Variants in CEP112 observed in about 807,000 individuals in gnomAD.
CEP112 encodes the protein centrosomal protein 112, also known as centrosomal protein of 112 kDa.
CEP112 carries 127 observed loss-of-function variants against 153.0 expected under a neutral mutation model. The observed-to-expected ratio is 0.83, with a 90% CI of 0.72 to 0.96. The LOEUF (loss-of-function observed/expected upper bound fraction) is 0.96, where lower values mean the gene tolerates loss of function less well. Ranked by LOEUF, CEP112 falls within the 40% of genes least tolerant of loss-of-function variation. The probability of loss-of-function intolerance (pLI) is 0.00; values close to 1 mark genes in which losing one functional copy is unlikely to be tolerated. For synonymous variants in CEP112, 358 were observed against 374.4 expected, an observed-to-expected ratio of 0.96 and a Z score of 0.51; for missense variants, 1,089 against 1,101.2, an observed-to-expected ratio of 0.99 and a Z score of 0.16.
At chr17:65,705,778 G>C (rs1177221454) in intron 23 of CEP112, among the ~76,000 whole-genome samples, 1 of 152,194 alleles carries the variant, frequency 6.6e-6, no homozygotes, top group Admixed American at 6.5e-5. Flanking sequence ...TTTGGATCCT[G>C]ATTCAGACAA....
At chr17:66,111,719 T>G (rs1598373981) in intron 6 of CEP112, among the ~76,000 whole-genome samples, 1 of 148,488 alleles carries the variant, frequency 6.7e-6, no homozygotes, top group Non-Finnish European at 1.5e-5. Flanking sequence ...GAGGGGAGGG[T>G]GGGAGGAGGG....
At chr17:65,829,010 A>T (rs573439161) in intron 21 of CEP112, among the ~76,000 whole-genome samples, 1 of 152,260 alleles carries the variant, frequency 6.6e-6, no homozygotes, top group South Asian at 2.1e-4. Context: ...ACCAATTTAT[A>T]TTCTCAACAA....
At chr17:65,900,512 T>C (rs1287640360) in intron 20 of CEP112, among the ~76,000 whole-genome samples, 1 of 152,160 alleles carries the variant, frequency 6.6e-6, no homozygotes, top group African/African-American at 2.4e-5. Flanking sequence ...ACACGACTCA[T>C]GCAAAATCAC....
At chr17:65,814,004 G>A (rs2056130322) in intron 21 of CEP112, among the ~76,000 whole-genome samples, 1 of 152,148 alleles carries the variant, frequency 6.6e-6, no homozygotes. Flanking sequence ...GTAAGAATTT[G>A]CAAACATAGT....
intron 24 of CEP112, chr17:65,655,320 T>C: frequency 6.4e-7 from 1 of 1,553,838 alleles, no homozygotes; most frequent in Non-Finnish European, 8.9e-7. Flanking sequence ...TACAGCTGGA[T>C]TTCTCGATGA....
intron 21 of CEP112, among the ~76,000 whole-genome samples, chr17:65,845,217 G>C (rs2057685442): frequency 6.6e-6 from 1 of 152,164 alleles, no homozygotes; most frequent in Non-Finnish European, 1.5e-5. Flanking sequence ...TACTTGGGAG[G>C]CTGAGGCAGG....
At chr17:65,978,083 T>A (rs190975557) in intron 17 of CEP112, among the ~76,000 whole-genome samples, 222 of 151,110 alleles carry the variant, frequency 1.5e-3, no homozygotes, top group Middle Eastern at 6.8e-3. Context: ...CTCAAAAAAA[T>A]TTTTTTAAAT....
intron 21 of CEP112, among the ~76,000 whole-genome samples, chr17:65,801,080 A>C (rs2098476): frequency 6.6e-6 from 1 of 151,572 alleles, no homozygotes; most frequent in Non-Finnish European, 1.5e-5. Context: ...TGTCTTCTTC[A>C]TCTTCTTTTT....
intron 2 of CEP112, among the ~76,000 whole-genome samples, chr17:66,178,295 T>C (rs2072574039): frequency 6.6e-6 from 1 of 152,218 alleles, no homozygotes; most frequent in South Asian, 2.1e-4. Flanking sequence ...AGTTTTTATC[T>C]GCGTTGCTCT....
chr17:65,765,681 G>C (rs1012707024), intron 21 of CEP112, among the ~76,000 whole-genome samples: 2 of 151,922 alleles, frequency 1.3e-5, no homozygotes, highest in African/African-American at 2.4e-5. Flanking sequence ...ACAATATGTT[G>C]CTGCCACTGA....
rs377648261 is a variant in CEP112 at position 65,960,604 on chromosome 17, A to C, written c.1872+859T>G. Among the ~76,000 whole-genome samples, 4 of 152,330 alleles carry C rather than the reference A, an allele frequency of 2.6e-5. No individual in the cohort carries two copies. In the East Asian group the frequency reaches 7.7e-4, roughly 29 times the overall value. The stretch of plus-strand genomic sequence containing the variant: ...CTCCTGTGTACTTTATCATTGCTAG[A>C]TTACTTCTAATACCTAATACAACAT... On this transcript the variant is annotated intron_variant, in intron 18 of 26. Transcript: ENST00000535342.
At chr17:65,970,800 CAT>C (rs1248964201) in intron 17 of CEP112, among the ~76,000 whole-genome samples, 4 of 152,116 alleles carry the variant, frequency 2.6e-5, no homozygotes, top group South Asian at 2.1e-4. Context: ...GTATATTGCA[CAT>C]GTGTATGGCG....
At chr17:66,014,303 C>T (rs1168881418) in intron 16 of CEP112, among the ~76,000 whole-genome samples, 1 of 152,066 alleles carries the variant, frequency 6.6e-6, no homozygotes, top group Non-Finnish European at 1.5e-5. Flanking sequence ...TGATGAGGGC[C>T]CTAGGGAGGC....
At chr17:66,119,128 G>A (rs1200623161) in intron 6 of CEP112, among the ~76,000 whole-genome samples, 1 of 152,152 alleles carries the variant, frequency 6.6e-6, no homozygotes, top group Non-Finnish European at 1.5e-5. Context: ...TCATTTATAA[G>A]TGGGAGCTGA....
chr17:65,903,999 C>T (rs187033076), intron 19 of CEP112, among the ~76,000 whole-genome samples: 1 of 152,132 alleles, frequency 6.6e-6, no homozygotes, highest in East Asian at 1.9e-4. Context: ...AAACCCACAG[C>T]CAATATCATA....
rs146969421 is a variant in CEP112 at position 65,975,964 on chromosome 17, G to A, written c.1737-14366C>T. On this transcript the variant is annotated intron_variant, in intron 17 of 26. Coordinates refer to ENST00000535342, the MANE Select transcript of CEP112 (RefSeq NM_001199165.4). Reference sequence around the variant, plus strand: ...CAAGAAGTTACCATTTGTTAAATGCGTACACGTGTGCTGGATGTGTTACGC... The same window carrying A: ...CAAGAAGTTACCATTTGTTAAATGCATACACGTGTGCTGGATGTGTTACGC... Among the ~76,000 whole-genome samples the A allele has an allele frequency of 3.3e-3, 504 of 152,294 alleles. 2 individuals are homozygous for A. The highest frequency in any genetic ancestry group is 0.01 in the Middle Eastern group (3 of 294).
At chr17:66,141,794 A>G (rs761602404) in intron 4 of CEP112, among the ~76,000 whole-genome samples, 26 of 152,198 alleles carry the variant, frequency 1.7e-4, no homozygotes, top group Non-Finnish European at 3.5e-4. Context: ...AGATGAACAT[A>G]TAGGTTGTTT....
In CEP112 at chr17:66,084,459, C is replaced by T. The variant is rs2067839923; in HGVS notation, c.768+11792G>A. ...ATAAGGAAAATGTGGTACACATACACAATGGAGTACTACCCAGCTATTAAA... is the reference window on the plus strand; with the variant it reads ...ATAAGGAAAATGTGGTACACATACATAATGGAGTACTACCCAGCTATTAAA... On this transcript the variant is annotated intron_variant, in intron 8 of 26. Coordinates refer to ENST00000535342, the MANE Select transcript of CEP112 (RefSeq NM_001199165.4). Among the ~76,000 whole-genome samples, 2 of 152,170 alleles carry T rather than the reference C, an allele frequency of 1.3e-5. 1 individual carries two copies. The highest frequency in any genetic ancestry group is 4.1e-4 in the South Asian group (2 of 4,828).
intron 20 of CEP112, among the ~76,000 whole-genome samples, chr17:65,897,053 T>G (rs2059683282): frequency 6.6e-6 from 1 of 152,054 alleles, no homozygotes; most frequent in Non-Finnish European, 1.5e-5. Context: ...ACTCAGTCCA[T>G]CAGGGGATGA....
Sources: allele counts gnomAD v4.1 joint callset (sites outside exome capture counted in the v4.1 genomes callset), GRCh38; gene constraint gnomAD v4.1.1; transcripts MANE v1.5; gene names NCBI Gene and HGNC (gene_info 2026-07-23, HGNC 2026-07-21).